Variants in COQ8A observed in about 807,000 individuals in gnomAD.
The protein encoded by COQ8A is coenzyme Q8A.
A neutral mutation model predicts 65.0 loss-of-function variants in COQ8A; 51 were observed. The ratio of observed to expected loss-of-function variants is 0.78; its 90% CI spans 0.63 to 0.99. The LOEUF (loss-of-function observed/expected upper bound fraction) is 0.99. Ranked by LOEUF, COQ8A falls within the 50% of genes least tolerant of loss-of-function variation. COQ8A has a pLI of 0.00. For synonymous variants in COQ8A, 371 were observed against 353.2 expected (o/e 1.05, Z -0.57); for missense variants, 940 against 875.0 (o/e 1.07, Z -0.94).
chr1:226,956,558 TCC>T, intron 1 of COQ8A, among the ~76,000 whole-genome samples: 1 of 71,414 alleles, frequency 1.4e-5, no homozygotes, highest in African/African-American at 6.9e-5. Flanking sequence ...GCTCCCACTC[TCC>T]CTGGTTCACA....
At position 226,983,750 on chromosome 1, in the gene COQ8A, C is replaced by T. The variant is rs775259402; in HGVS notation, c.1163-11C>T. Reference sequence around the variant, plus strand: ...CCCCCTTCCTCGCTGATGCCCTCCTCCCTGGCCCAGGCCTGTTCCCCGAGC... The same window carrying T: ...CCCCCTTCCTCGCTGATGCCCTCCTTCCTGGCCCAGGCCTGTTCCCCGAGC... On this transcript the variant is annotated splice_polypyrimidine_tract_variant and intron_variant, in intron 9 of 14. Coordinates refer to ENST00000366777, the MANE Select transcript of COQ8A (RefSeq NM_020247.5). The T allele has an allele frequency of 7.4e-6, 12 of 1,613,052 alleles. No individual in the cohort carries two copies. Among genetic ancestry groups the T allele is most frequent in the East Asian group, 4.5e-5 (2 of 44,886 alleles).
chr1:226,943,487 A>G (rs1656821498), intron 1 of COQ8A, among the ~76,000 whole-genome samples: 1 of 152,188 alleles, frequency 6.6e-6, no homozygotes, highest in Admixed American at 6.5e-5. Context: ...AGAAGTGAGG[A>G]TGGCCCGAGT....
intron 1 of COQ8A, among the ~76,000 whole-genome samples, chr1:226,947,483 C>G (rs1378398537): frequency 6.6e-6 from 1 of 152,004 alleles, no homozygotes; most frequent in Admixed American, 6.6e-5. Flanking sequence ...GATATTAAAC[C>G]TGAAGTAAAA....
chr1:226,968,098 G>A (rs1279699217), intron 4 of COQ8A, among the ~76,000 whole-genome samples: 6 of 152,196 alleles, frequency 3.9e-5, no homozygotes, highest in East Asian at 3.9e-4. Flanking sequence ...TTGGGAGGCC[G>A]AGGTGGGAGA....
At chr1:226,978,779 CA>C (rs1401300522) in intron 5 of COQ8A, among the ~76,000 whole-genome samples, 1 of 106,588 alleles carries the variant, frequency 9.4e-6, no homozygotes, top group Non-Finnish European at 2.2e-5. Flanking sequence ...TACCTCCGTA[CA>C]CACCCACCTC....
chr1:226,983,627 C>T lies in COQ8A; in HGVS notation c.1156C>T (p.Pro386Ser), dbSNP rs886732633. 1.2e-6 allele frequency: 2 copies of T among 1,613,846 alleles called. No individual in the cohort carries two copies. The highest frequency in any genetic ancestry group is 2.7e-5 in the African/African-American group (2 of 74,946). Residue 386 changes from proline to serine, a missense_variant, in exon 9 of 15, where the codon CCA becomes TCA. Pro to Ser is a moderately conservative substitution (Grantham distance 74, BLOSUM62 -1). Transcript: ENST00000366777. ...CGTGTTGAACATGAGCAACATGCTT[C>T]CAGAAGGTCTGAGGCTAGGTGGTTG... ...MAVLNMSNML[P>S]EGLFPEHLID... is the part of the protein sequence containing the mutation.
intron 8 of COQ8A, 125 bp downstream of exon 8, chr1:226,983,159 T>C (rs1659823775): frequency 2.9e-6 from 4 of 1,375,280 alleles, no homozygotes; most frequent in Middle Eastern, 2.6e-4. Context: ...CAGGGCCATA[T>C]GTGGTGTCTT....
chr1:226,956,251 C>G (rs1481733136), intron 1 of COQ8A, among the ~76,000 whole-genome samples: 4 of 91,280 alleles, frequency 4.4e-5, no homozygotes, highest in East Asian at 4.2e-4. Flanking sequence ...CTCCCTGGCT[C>G]CCACTCTCCC....
At chr1:226,981,575 C>G (rs1475615911) in intron 5 of COQ8A, among the ~76,000 whole-genome samples, 1 of 152,218 alleles carries the variant, frequency 6.6e-6, no homozygotes, top group Non-Finnish European at 1.5e-5. Context: ...CATGCCGACC[C>G]CACAGGTGCA....
At chr1:226,981,807 C>T (rs1659709759) in intron 5 of COQ8A, among the ~76,000 whole-genome samples, 1 of 152,210 alleles carries the variant, frequency 6.6e-6, no homozygotes, top group African/African-American at 2.4e-5. Context: ...TGTACGTGTG[C>T]ATGCCTGTGT....
chr1:226,963,322 GA>G (rs1401890491), intron 2 of COQ8A, among the ~76,000 whole-genome samples: 1 of 152,224 alleles, frequency 6.6e-6, no homozygotes, highest in Admixed American at 6.5e-5. Context: ...CCCTTCTCGC[GA>G]GGGGAGGAAG....
At chr1:226,944,764 TGA>T (rs796602515) in intron 1 of COQ8A, among the ~76,000 whole-genome samples, 4 of 82,464 alleles carry the variant, frequency 4.9e-5, no homozygotes, top group Admixed American at 1.2e-4. Flanking sequence ...AGAGAGAGAG[TGA>T]GAGAGAGAGA....
At chr1:226,964,899 GC>G in intron 2 of COQ8A, 100 bp from the exon 3 acceptor site, 1 of 1,367,586 alleles carries the variant, frequency 7.3e-7, no homozygotes, top group Non-Finnish European at 1.0e-6. Flanking sequence ...GTGGGAGGGG[GC>G]GGGATGCTGG....
At chr1:226,961,954 G>A (rs1658279125) in intron 2 of COQ8A, among the ~76,000 whole-genome samples, 1 of 152,140 alleles carries the variant, frequency 6.6e-6, no homozygotes, top group African/African-American at 2.4e-5. Context: ...TGTTATGAGG[G>A]CACCAATCCC....
chr1:226,985,192 C>T, intron 13 of COQ8A, 62 bp from the exon 14 acceptor site: 3 of 1,572,364 alleles, frequency 1.9e-6, no homozygotes, highest in Non-Finnish European at 2.6e-6. Flanking sequence ...ACTTGGCTCC[C>T]TGGGATGTCG....
intron 5 of COQ8A, among the ~76,000 whole-genome samples, chr1:226,980,876 G>T (rs567069558): frequency 1.3e-5 from 2 of 152,292 alleles, no homozygotes; most frequent in African/African-American, 4.8e-5. Context: ...TTTCTCAGGG[G>T]CCAGGCTGCA....
At chr1:226,977,370 G>A in intron 4 of COQ8A, 79 bp from the exon 5 acceptor site, 2 of 1,396,682 alleles carry the variant, frequency 1.4e-6, no homozygotes, top group Non-Finnish European at 9.8e-7. Context: ...GTGTGGTGCT[G>A]CCCCAGGCCT....
In COQ8A at chr1:226,986,967, G is replaced by GT. The variant is rs1474805364; in HGVS notation, c.*231dup. On this transcript the variant is annotated 3_prime_UTR_variant, in exon 15 of 15. Coordinates refer to ENST00000366777, the MANE Select transcript of COQ8A (RefSeq NM_020247.5). ...CCCACTGCTCGGTCAGTCTGCCTCCGTGTGTCCTCTGAAATAAGCAGATGA... is the reference window on the plus strand; with the variant it reads ...CCCACTGCTCGGTCAGTCTGCCTCCGTTGTGTCCTCTGAAATAAGCAGATGA... 5.0e-6 allele frequency: 3 copies of GT among 594,214 alleles called. No individual in the cohort carries two copies. Among genetic ancestry groups the GT allele is most frequent in the Non-Finnish European group, 8.9e-6 (3 of 335,196 alleles). 36.8% of individuals were successfully genotyped at this position (594,214 alleles called of 1,614,324 possible). A position where few individuals can be genotyped will look rare whatever the true frequency, so the allele number is the denominator to read the frequency against.
chr1:226,961,052 C>A (rs957096905), intron 1 of COQ8A, among the ~76,000 whole-genome samples: 1 of 152,144 alleles, frequency 6.6e-6, no homozygotes, highest in African/African-American at 2.4e-5. Flanking sequence ...GGTTCTGCTG[C>A]GAATCATGAA....
Sources: gnomAD v4.1 joint callset for allele counts (sites outside exome capture counted in the v4.1 genomes callset) on GRCh38, gnomAD v4.1.1 for gene constraint, MANE v1.5 for transcripts, NCBI Gene and HGNC (gene_info 2026-07-23, HGNC 2026-07-21) for gene names.